Variants in RETREG1 observed in about 807,000 individuals in gnomAD.
The protein encoded by RETREG1 is reticulophagy regulator 1, also known as family with sequence similarity 134 member B.
Under a neutral mutation model 54.8 loss-of-function variants are expected in RETREG1, and 44 were observed. The ratio of observed to expected loss-of-function variants is 0.80; its 90% CI spans 0.63 to 1.03. The LOEUF is 1.03. RETREG1 is among the 50% of genes least tolerant of loss of function. The probability of loss-of-function intolerance (pLI) is 0.00; values close to 1 mark genes in which losing one functional copy is unlikely to be tolerated. For missense variants in RETREG1, 554 were observed against 605.1 expected, an observed-to-expected ratio of 0.92 and a Z score of 0.89; for synonymous variants, 217 against 238.5, an observed-to-expected ratio of 0.91 and a Z score of 0.83.
At position 16,475,242 on chromosome 5, in the gene RETREG1, A is replaced by G; in HGVS notation, c.1001-8T>C. 1 of 1,610,236 alleles carries G rather than the reference A, an allele frequency of 6.2e-7. No homozygotes were observed. The highest frequency in any genetic ancestry group is 1.1e-5 in the South Asian group (1 of 91,052). On this transcript the variant is annotated splice_polypyrimidine_tract_variant and splice_region_variant and intron_variant, in intron 8 of 8. Transcript: ENST00000306320. ...CACTGGGTCGGTCAAGATCTGTGAA[A>G]TGGATAACAGAAGTTCAGACTGAAG...
At position 16,573,741 on chromosome 5, in the gene RETREG1, TG is replaced by T. The variant is rs1579697969; in HGVS notation, c.321-1640del. Among the ~76,000 whole-genome samples the T allele has an allele frequency of 9.6e-4, 137 of 142,782 alleles. 2 individuals are homozygous for T. Among genetic ancestry groups the T allele is most frequent in the Middle Eastern group, 3.5e-3 (1 of 282 alleles). 93.7% of individuals were successfully genotyped at this position (142,782 alleles called of 152,430 possible). ...TGGTTTTTTGGGTTTGTTTGTTTTT[TG>T]TTTTTTTTTTTTTTTTTTTGAGATG... is the stretch of plus-strand genomic sequence containing the variant. On this transcript the variant is annotated intron_variant, in intron 1 of 8. Transcript: ENST00000306320.
chr5:16,496,540 A>G (rs563686665), intron 3 of RETREG1, among the ~76,000 whole-genome samples: 1 of 152,342 alleles, frequency 6.6e-6, no homozygotes. Flanking sequence ...AAACATGGCC[A>G]TGCCTACCTG....
At chr5:16,479,066 T>C in intron 5 of RETREG1, 79 bp from the exon 6 acceptor site, 1 of 1,351,136 alleles carries the variant, frequency 7.4e-7, no homozygotes, top group Non-Finnish European at 1.0e-6. Flanking sequence ...CACAAAATAC[T>C]ACATTTCTTT....
intron 1 of RETREG1, 39 bp downstream of exon 1, chr5:16,616,613 C>G: frequency 6.4e-7 from 1 of 1,554,676 alleles, no homozygotes; most frequent in Non-Finnish European, 8.6e-7. Flanking sequence ...CCAAGGTCAC[C>G]TGCCCTCCTC....
At chr5:16,527,864 C>T (rs148484469) in intron 3 of RETREG1, among the ~76,000 whole-genome samples, 35 of 124,982 alleles carry the variant, frequency 2.8e-4, no homozygotes, top group African/African-American at 9.4e-4. Flanking sequence ...GATTGGACTG[C>T]AGTGGCACGA....
chr5:16,557,091 T>C (rs992847185), intron 3 of RETREG1, among the ~76,000 whole-genome samples: 3 of 152,142 alleles, frequency 2.0e-5, no homozygotes, highest in African/African-American at 4.8e-5. Flanking sequence ...CGGCCTCCCA[T>C]AGTGCTGGCA....
At chr5:16,607,496 C>A (rs1204249991) in intron 1 of RETREG1, among the ~76,000 whole-genome samples, 2 of 152,000 alleles carry the variant, frequency 1.3e-5, no homozygotes, top group Non-Finnish European at 2.9e-5. Context: ...TGCCTGTAAT[C>A]CCAGCTACTT....
At chr5:16,501,555 A>G (rs1739714805) in intron 3 of RETREG1, among the ~76,000 whole-genome samples, 1 of 151,818 alleles carries the variant, frequency 6.6e-6, no homozygotes. Flanking sequence ...TTATTTATTT[A>G]TTTTTGACAC....
At chr5:16,524,760 A>G (rs1740645980) in intron 3 of RETREG1, among the ~76,000 whole-genome samples, 1 of 152,210 alleles carries the variant, frequency 6.6e-6, no homozygotes, top group Non-Finnish European at 1.5e-5. Flanking sequence ...ACATCATCCC[A>G]ATCCTAAAAG....
chr5:16,497,576 CAG>C (rs901459951), intron 3 of RETREG1, among the ~76,000 whole-genome samples: 1 of 152,166 alleles, frequency 6.6e-6, no homozygotes, highest in African/African-American at 2.4e-5. Context: ...TGGTAACTAA[CAG>C]GGGTCGGGGG....
intron 3 of RETREG1, among the ~76,000 whole-genome samples, chr5:16,515,794 C>T (rs1740333133): frequency 6.6e-6 from 1 of 152,124 alleles, no homozygotes; most frequent in Admixed American, 6.6e-5. Flanking sequence ...TTAGAAAGCT[C>T]CTAGAGCCAG....
intron 1 of RETREG1, among the ~76,000 whole-genome samples, chr5:16,577,165 A>G (rs1742346754): frequency 6.6e-6 from 1 of 152,164 alleles, no homozygotes; most frequent in South Asian, 2.1e-4. Context: ...TTTCTCCAAT[A>G]AAGTTTTCCA....
At chr5:16,557,671 T>C (rs961661302) in intron 3 of RETREG1, among the ~76,000 whole-genome samples, 3 of 152,206 alleles carry the variant, frequency 2.0e-5, no homozygotes, top group Admixed American at 6.5e-5. Context: ...AAAAGGCCCA[T>C]TTGGGTTTTG....
chr5:16,575,658 C>T (rs917047884), intron 1 of RETREG1, among the ~76,000 whole-genome samples: 4 of 152,244 alleles, frequency 2.6e-5, no homozygotes, highest in Non-Finnish European at 2.9e-5. Context: ...CTATTCTGTC[C>T]TGGGCAAGGG....
At position 16,493,663 on chromosome 5, in the gene RETREG1, T is replaced by C. The variant is rs114131614; in HGVS notation, c.459-10191A>G. On this transcript the variant is annotated intron_variant, in intron 3 of 8. Coordinates refer to ENST00000306320, the MANE Select transcript of RETREG1 (RefSeq NM_001034850.3). ...AATTTCAACCCAGGGTTTACTGTAG[T>C]TGGAGTCAAAAGTAAATGTCCCTTC... 1.9e-3 allele frequency among the ~76,000 whole-genome samples: 291 copies of C among 152,316 alleles called. 1 individual carries two copies. Among genetic ancestry groups the C allele is most frequent in the African/African-American group, 6.7e-3 (280 of 41,566 alleles).
At chr5:16,496,040 A>G (rs1739441059) in intron 3 of RETREG1, among the ~76,000 whole-genome samples, 1 of 152,154 alleles carries the variant, frequency 6.6e-6, no homozygotes, top group African/African-American at 2.4e-5. Flanking sequence ...GCAAGGATTT[A>G]ATGACAGAAG....
At position 16,474,445 on chromosome 5, in the gene RETREG1, T is replaced by G; in HGVS notation, c.*296A>C. The G allele has an allele frequency of 2.6e-5, 8 of 302,910 alleles. No homozygotes were observed. The highest frequency in any genetic ancestry group is 1.1e-3 in the Middle Eastern group (1 of 890). 18.8% of individuals were successfully genotyped at this position (302,910 alleles called of 1,614,324 possible). On this transcript the variant is annotated 3_prime_UTR_variant, in exon 9 of 9. Transcript: ENST00000306320. ...TATAGGAGGATTTTAATAGTTTGGTTTTTGTTTTTTTCTTTTTGCTTTAAA... is the reference window on the plus strand; with the variant it reads ...TATAGGAGGATTTTAATAGTTTGGTGTTTGTTTTTTTCTTTTTGCTTTAAA...
At chr5:16,550,705 A>G (rs527823754) in intron 3 of RETREG1, among the ~76,000 whole-genome samples, 1 of 152,366 alleles carries the variant, frequency 6.6e-6, no homozygotes, top group Admixed American at 6.5e-5. Context: ...CAGAATAATC[A>G]AAAGACGGGA....
rs2126387580 is a variant in RETREG1, at chr5:16,616,710, T to G, written c.262A>C (p.Ser88Arg). Reference protein sequence around the residue: ...WLGCRADELLSWKRPLRSLLG... With the variant: ...WLGCRADELLRWKRPLRSLLG... Reference sequence around the variant, plus strand: ...AGGCTCCGCAGCGGCCTCTTCCAGCTCAGCAGCTCGTCGGCGCGGCAGCCC... The same window carrying G: ...AGGCTCCGCAGCGGCCTCTTCCAGCGCAGCAGCTCGTCGGCGCGGCAGCCC... Residue 88 changes from serine to arginine, a missense_variant, in exon 1 of 9, where the codon AGC becomes CGC. Transcript: ENST00000306320. 6.3e-7 allele frequency: 1 copy of G among 1,591,360 alleles called. No homozygotes were observed. Among genetic ancestry groups the G allele is most frequent in the Non-Finnish European group, 8.5e-7 (1 of 1,175,800 alleles).
Sources: allele counts gnomAD v4.1 joint callset (sites outside exome capture counted in the v4.1 genomes callset), GRCh38; gene constraint gnomAD v4.1.1; transcripts MANE v1.5; gene names NCBI Gene and HGNC (gene_info 2026-07-23, HGNC 2026-07-21).